Variants in DPP10 observed in about 807,000 individuals in gnomAD.
DPP10 encodes inactive dipeptidyl peptidase 10.
Under a neutral mutation model 120.9 loss-of-function variants are expected in DPP10, and 33 were observed. The observed-to-expected ratio is 0.27, with a 90% CI of 0.21 to 0.37. DPP10 has a LOEUF of 0.37. Among genes scored for constraint, DPP10 ranks in the 10% least tolerant of loss-of-function variants. The pLI is 1.00. For synonymous variants in DPP10, 337 were observed against 326.1 expected (o/e 1.03, Z -0.36); for missense variants, 816 against 942.8 (o/e 0.87, Z 1.76).
intron 1 of DPP10, among the ~76,000 whole-genome samples, chr2:114,972,128 G>T (rs1699439765): frequency 6.6e-6 from 1 of 152,142 alleles, no homozygotes; most frequent in African/African-American, 2.4e-5. Flanking sequence ...ATCACTCTTT[G>T]GGCTTCACTT....
At chr2:114,574,699 C>T (rs75651828) in intron 1 of DPP10, among the ~76,000 whole-genome samples, 2,139 of 152,270 alleles carry the variant, frequency 0.014, 48 homozygotes, top group African/African-American at 0.049. Flanking sequence ...CTACTTACCA[C>T]GATTTTCCAG....
At chr2:115,217,191 G>C (rs1369015867) in intron 1 of DPP10, among the ~76,000 whole-genome samples, 1 of 152,042 alleles carries the variant, frequency 6.6e-6, no homozygotes, top group African/African-American at 2.4e-5. Context: ...TGAATCCTAC[G>C]TCTGCTAATT....
intron 5 of DPP10, among the ~76,000 whole-genome samples, chr2:115,688,791 C>T (rs1356445880): frequency 6.6e-6 from 1 of 152,048 alleles, no homozygotes; most frequent in Non-Finnish European, 1.5e-5. Context: ...GTTCTGCAGT[C>T]CTTGGGAAGA....
intron 1 of DPP10, among the ~76,000 whole-genome samples, chr2:114,510,752 G>GA (rs1284495130): frequency 1.3e-5 from 2 of 151,434 alleles, no homozygotes; most frequent in East Asian, 3.8e-4. Flanking sequence ...ACATTCATTG[G>GA]TTTTTCAACT....
rs75623492 is a variant in DPP10 at position 115,641,264 on chromosome 2, C to G, written c.442-48423C>G. ...CTACTCAAAGTTGTTCAGATCCTGTCATTTCCTTGCCATAAGAGGAGAATC... is the reference window on the plus strand; with the variant it reads ...CTACTCAAAGTTGTTCAGATCCTGTGATTTCCTTGCCATAAGAGGAGAATC... On this transcript the variant is annotated intron_variant, in intron 5 of 25. Coordinates refer to ENST00000410059, the MANE Select transcript of DPP10 (RefSeq NM_020868.6). Among the ~76,000 whole-genome samples the G allele has an allele frequency of 8.3e-3, 1,261 of 152,276 alleles. 19 individuals carry two copies. The highest frequency in any genetic ancestry group is 0.029 in the African/African-American group (1,200 of 41,568).
chr2:114,530,441 G>A (rs892361001), intron 1 of DPP10, among the ~76,000 whole-genome samples: 4 of 152,110 alleles, frequency 2.6e-5, no homozygotes, highest in African/African-American at 4.8e-5. Flanking sequence ...GATTATTATC[G>A]AAATATCTGT....
intron 1 of DPP10, among the ~76,000 whole-genome samples, chr2:115,126,027 T>C (rs1023403706): frequency 1.3e-5 from 2 of 152,212 alleles, no homozygotes; most frequent in Admixed American, 6.5e-5. Flanking sequence ...AAGCAACCCA[T>C]ATTTTGAATA....
intron 5 of DPP10, among the ~76,000 whole-genome samples, chr2:115,643,332 G>T (rs1190304711): frequency 6.6e-6 from 1 of 152,112 alleles, no homozygotes; most frequent in Non-Finnish European, 1.5e-5. Flanking sequence ...CTGCAATAGA[G>T]AGATTAAAGA....
At chr2:115,057,663 G>C (rs1282683110) in intron 1 of DPP10, among the ~76,000 whole-genome samples, 1 of 152,210 alleles carries the variant, frequency 6.6e-6, no homozygotes, top group East Asian at 1.9e-4. Context: ...AAAGCAGCAA[G>C]AAACCAAGGA....
At chr2:115,126,510 A>G (rs1424841824) in intron 1 of DPP10, among the ~76,000 whole-genome samples, 4 of 152,206 alleles carry the variant, frequency 2.6e-5, no homozygotes, top group East Asian at 3.9e-4. Context: ...TAAAAGTGAT[A>G]TTAATGATAT....
intron 1 of DPP10, among the ~76,000 whole-genome samples, chr2:114,632,649 A>G (rs556115932): frequency 2.0e-5 from 3 of 151,070 alleles, no homozygotes; most frequent in Non-Finnish European, 4.4e-5. Context: ...AATAGCTGGG[A>G]CTACAGGCTC....
At chr2:114,662,397 C>G (rs981115542) in intron 1 of DPP10, among the ~76,000 whole-genome samples, 7 of 152,190 alleles carry the variant, frequency 4.6e-5, no homozygotes, top group African/African-American at 1.7e-4. Context: ...GCCCGCGCCG[C>G]CCTGAGCACA....
chr2:114,853,415 T>C (rs1372147751), intron 1 of DPP10, among the ~76,000 whole-genome samples: 2 of 152,110 alleles, frequency 1.3e-5, no homozygotes. Context: ...AAGTGGCTAG[T>C]GGGCTTTTAA....
chr2:114,555,004 T>C (rs914962080), intron 1 of DPP10, among the ~76,000 whole-genome samples: 1 of 152,176 alleles, frequency 6.6e-6, no homozygotes, highest in Admixed American at 6.5e-5. Flanking sequence ...ATAATGGACC[T>C]GGGCATCGAG....
intron 7 of DPP10, among the ~76,000 whole-genome samples, chr2:115,709,565 A>G (rs1489568497): frequency 2.0e-5 from 3 of 152,020 alleles, no homozygotes; most frequent in African/African-American, 7.2e-5. Context: ...AGACAGATAC[A>G]CGAAGAATAT....
intron 3 of DPP10, among the ~76,000 whole-genome samples, chr2:115,407,545 G>A (rs1192736914): frequency 6.6e-6 from 1 of 152,146 alleles, no homozygotes; most frequent in Non-Finnish European, 1.5e-5. Context: ...TGGCCTGAAG[G>A]AGAGAAGGGA....
chr2:115,840,606 G>A, intron 24 of DPP10, 144 bp from the exon 25 acceptor site: 2 of 765,854 alleles, frequency 2.6e-6, no homozygotes, highest in African/African-American at 1.8e-5. Context: ...TTACAGGCGT[G>A]AGCCACCGTG....
intron 1 of DPP10, among the ~76,000 whole-genome samples, chr2:114,843,784 C>T (rs1184302760): frequency 3.3e-5 from 5 of 152,106 alleles, no homozygotes; most frequent in Admixed American, 3.3e-4. Context: ...ATTCCTTTCC[C>T]TGCCGAGGGA....
At chr2:114,649,061 T>A (rs1461942973) in intron 1 of DPP10, among the ~76,000 whole-genome samples, 1 of 152,238 alleles carries the variant, frequency 6.6e-6, no homozygotes, top group Admixed American at 6.5e-5. Context: ...GTGCTGGTAA[T>A]TTACAAAGTT....
Sources: gnomAD v4.1 joint callset for allele counts (sites outside exome capture counted in the v4.1 genomes callset) on GRCh38, gnomAD v4.1.1 for gene constraint, MANE v1.5 for transcripts, NCBI Gene and HGNC (gene_info 2026-07-23, HGNC 2026-07-21) for gene names.